Variants in NGF observed in about 807,000 individuals in gnomAD.
The protein encoded by NGF is beta-nerve growth factor.
NGF carries 4 observed loss-of-function variants against 12.8 expected under a neutral mutation model. The ratio of observed to expected loss-of-function variants is 0.31; its 90% CI spans 0.15 to 0.72. The LOEUF is 0.72. Among genes scored for constraint, NGF ranks in the 30% least tolerant of loss-of-function variants. The probability of loss-of-function intolerance (pLI) is 0.69; values close to 1 mark genes in which losing one functional copy is unlikely to be tolerated. For synonymous variants in NGF, 140 were observed against 130.0 expected (o/e 1.08, Z -0.52); for missense variants, 283 against 330.8 (o/e 0.86, Z 1.12).
intron 1 of NGF, among the ~76,000 whole-genome samples, chr1:115,335,694 G>A (rs1030285445): frequency 6.6e-6 from 1 of 152,222 alleles, no homozygotes; most frequent in Non-Finnish European, 1.5e-5. Context: ...GTTCTTACTT[G>A]GAAAAGGTAA....
At chr1:115,326,520 T>A (rs542181492) in intron 1 of NGF, among the ~76,000 whole-genome samples, 2 of 152,340 alleles carry the variant, frequency 1.3e-5, no homozygotes, top group East Asian at 3.9e-4. Context: ...GCACGACTCC[T>A]GGGACTGGAA....
chr1:115,332,575 G>A (rs981943487), intron 1 of NGF, among the ~76,000 whole-genome samples: 6 of 152,180 alleles, frequency 3.9e-5, no homozygotes, highest in African/African-American at 9.7e-5. Context: ...AAGGGAGAAC[G>A]TGAGGGGAGG....
intron 1 of NGF, among the ~76,000 whole-genome samples, chr1:115,317,578 G>A (rs1654505557): frequency 6.6e-6 from 1 of 152,178 alleles, no homozygotes; most frequent in African/African-American, 2.4e-5. Context: ...TTCAGTCAAG[G>A]AAACAATGCC....
chr1:115,286,696 G>A lies in NGF; in HGVS notation c.100C>T (p.Gln34Ter). 6.2e-7 allele frequency: 1 copy of A among 1,614,158 alleles called. No homozygotes were observed. The highest frequency in any genetic ancestry group is 8.5e-7 in the Non-Finnish European group (1 of 1,179,964). The change falls in exon 3 of 3, where the codon CAA becomes TAA. Residue 34 changes from glutamine (Q) to a stop codon, truncating the protein, a stop_gained. Coordinates refer to ENST00000369512, the MANE Select transcript of NGF (RefSeq NM_002506.3). LOFTEE classifies it high-confidence loss of function. ...SNVPAGHTIP[Q>*]AHWTKLQHSL... ...TGCTGAAGTTTAGTCCAGTGGGCTT[G>A]GGGGATGGTGTGTCCTGCAGGGACA...
chr1:115,287,137 G>A (rs776847546), intron 2 of NGF, among the ~76,000 whole-genome samples: 2 of 152,178 alleles, frequency 1.3e-5, no homozygotes, highest in African/African-American at 4.8e-5. Context: ...AGCTTAAGGC[G>A]GCTGAGGGAG....
rs565053565 is a variant in NGF, at chr1:115,329,414, G to A, written c.-137+8790C>T. On this transcript the variant is annotated intron_variant, in intron 1 of 2. Coordinates refer to ENST00000369512, the MANE Select transcript of NGF (RefSeq NM_002506.3). ...TCACACAACTGCAAATCACAGAGTT[G>A]GGACTTAACCCCAAGCTTGCCTGGC... 1.4e-4 allele frequency among the ~76,000 whole-genome samples: 22 copies of A among 152,306 alleles called. 1 individual carries two copies. The South Asian group carries it at 3.9e-3, about 27-fold the overall frequency.
chr1:115,324,087 C>A (rs1181084304), intron 1 of NGF, among the ~76,000 whole-genome samples: 1 of 152,186 alleles, frequency 6.6e-6, no homozygotes, highest in African/African-American at 2.4e-5. Context: ...TGAGATGGTA[C>A]AAGGGGCTCA....
chr1:115,290,947 C>A (rs903365289), intron 2 of NGF, among the ~76,000 whole-genome samples: 1 of 152,290 alleles, frequency 6.6e-6, no homozygotes. Context: ...CCATTATATT[C>A]TTTCATTTCA....
At chr1:115,290,777 T>C (rs1215817749) in intron 2 of NGF, among the ~76,000 whole-genome samples, 2 of 152,212 alleles carry the variant, frequency 1.3e-5, no homozygotes, top group South Asian at 2.1e-4. Flanking sequence ...ACAAACTCCC[T>C]GTAGGCAGCA....
intron 2 of NGF, among the ~76,000 whole-genome samples, chr1:115,287,322 C>G (rs6328): frequency 6.6e-5 from 10 of 151,948 alleles, no homozygotes; most frequent in Admixed American, 3.3e-4. Flanking sequence ...CTGGGTACCC[C>G]CTTTCAGACA....
chr1:115,334,362 C>A (rs1472747167), intron 1 of NGF, among the ~76,000 whole-genome samples: 1 of 152,122 alleles, frequency 6.6e-6, no homozygotes, highest in Admixed American at 6.5e-5. Flanking sequence ...ATGCAGTCTG[C>A]CTGTGTTTTT....
intron 1 of NGF, among the ~76,000 whole-genome samples, chr1:115,335,536 G>A (rs557331497): frequency 6.6e-6 from 1 of 152,344 alleles, no homozygotes; most frequent in Non-Finnish European, 1.5e-5. Flanking sequence ...ACAGAAAGGT[G>A]TTTTCTGGGA....
At chr1:115,291,873 G>A (rs1282161672) in intron 2 of NGF, among the ~76,000 whole-genome samples, 2 of 152,308 alleles carry the variant, frequency 1.3e-5, no homozygotes, top group Admixed American at 6.5e-5. Context: ...TGTTGTAGAA[G>A]GGAGTGAGAG....
At chr1:115,294,557 A>G (rs943357804) in intron 1 of NGF, among the ~76,000 whole-genome samples, 2 of 152,220 alleles carry the variant, frequency 1.3e-5, no homozygotes, top group East Asian at 3.9e-4. Flanking sequence ...TGTTGTGTAA[A>G]TAAGCAAGAT....
intron 1 of NGF, among the ~76,000 whole-genome samples, chr1:115,326,392 G>A (rs1042509133): frequency 4.6e-5 from 7 of 152,108 alleles, no homozygotes; most frequent in Non-Finnish European, 8.8e-5. Flanking sequence ...CCAAACGATT[G>A]AGCAAAAGCC....
At position 115,293,442 on chromosome 1, in the gene NGF, A is replaced by G. The variant is rs11466097; in HGVS notation, c.-13+185T>C. The stretch of plus-strand genomic sequence containing the variant: ...CCCATGGGGCCAACCTGCATGCACA[A>G]AAGATTTCCTTTCCTGAGTGGGCTA... On this transcript the variant is annotated intron_variant, in intron 2 of 2. Coordinates refer to ENST00000369512, the MANE Select transcript of NGF (RefSeq NM_002506.3). Among the ~76,000 whole-genome samples, 829 of 152,306 alleles carry G rather than the reference A, an allele frequency of 5.4e-3. 8 individuals are homozygous for G. Among genetic ancestry groups the G allele is most frequent in the African/African-American group, 0.019 (771 of 41,576 alleles).
At chr1:115,327,358 C>T (rs1228386567) in intron 1 of NGF, among the ~76,000 whole-genome samples, 1 of 152,144 alleles carries the variant, frequency 6.6e-6, no homozygotes, top group Non-Finnish European at 1.5e-5. Context: ...TGGAAAAGTT[C>T]AAAAACAGCA....
Position 115,337,267 on chromosome 1 carries a change from G to GTTTGTTTGTTTTTTTTTTTTTTTT in NGF, c.-137+936_-137+937insAAAAAAAAAAAAAAAACAAACAAA. ...TCGAAATTTTTTTTGTTTTGTTTTT[G>GTTTGTTTGTTTTTTTTTTTTTTTT]TTTTTTTTTTTTTTTTTTTTTTTTT... On this transcript the variant is annotated intron_variant, in intron 1 of 2. Transcript: ENST00000369512. Among the ~76,000 whole-genome samples the GTTTGTTTGTTTTTTTTTTTTTTTT allele has an allele frequency of 3.1e-4, 25 of 81,030 alleles. 3 individuals carry two copies. Among genetic ancestry groups the GTTTGTTTGTTTTTTTTTTTTTTTT allele is most frequent in the African/African-American group, 1.2e-3 (23 of 18,894 alleles). 53.2% of individuals were successfully genotyped at this position (81,030 alleles called of 152,430 possible).
intron 1 of NGF, among the ~76,000 whole-genome samples, chr1:115,300,893 C>CT (rs1449882573): frequency 1.3e-5 from 2 of 152,130 alleles, no homozygotes; most frequent in African/African-American, 4.8e-5. Context: ...ACACATATGA[C>CT]TTATGGGGAA....
Sources: gnomAD v4.1 joint callset for allele counts (sites outside exome capture counted in the v4.1 genomes callset) on GRCh38, gnomAD v4.1.1 for gene constraint, MANE v1.5 for transcripts, NCBI Gene and HGNC (gene_info 2026-07-23, HGNC 2026-07-21) for gene names.